The following TBC1D4 variants were observed in gnomAD, a reference collection of about 807,000 sequenced individuals.
TBC1D4 encodes TBC (Tre-2, BUB2, CDC16) domain-containing protein.
A neutral mutation model predicts 142.5 loss-of-function variants in TBC1D4; 121 were observed. That is an observed-to-expected ratio of 0.85 (90% CI 0.73 to 0.99). TBC1D4 has a LOEUF of 0.99. Among genes scored for constraint, TBC1D4 ranks in the 50% least tolerant of loss-of-function variants. The pLI is 0.00. For synonymous variants in TBC1D4, 630 were observed against 628.2 expected, an observed-to-expected ratio of 1.00 and a Z score of -0.04; for missense variants, 1,475 against 1,606.6, an observed-to-expected ratio of 0.92 and a Z score of 1.40.
intron 1 of TBC1D4, among the ~76,000 whole-genome samples, chr13:75,374,726 T>C: frequency 6.6e-6 from 1 of 152,132 alleles, no homozygotes; most frequent in South Asian, 2.1e-4. Context: ...TTTCACAACT[T>C]CAAAGTCAGA....
chr13:75,442,780 A>G (rs1010778330), intron 1 of TBC1D4, among the ~76,000 whole-genome samples: 6 of 136,476 alleles, frequency 4.4e-5, no homozygotes, highest in Non-Finnish European at 6.7e-5. Context: ...TCGGTTTCGG[A>G]AAAAAAAAAA....
At chr13:75,421,333 C>G (rs565091007) in intron 1 of TBC1D4, among the ~76,000 whole-genome samples, 95 of 152,148 alleles carry the variant, frequency 6.2e-4, no homozygotes, top group Non-Finnish European at 1.2e-3. Flanking sequence ...CATTTACAAT[C>G]CCCCTAACTC....
At position 75,283,902 on chromosome 13, in the gene TBC1D4, G is replaced by C. The variant is rs1365405831; in HGVS notation, c.*2890C>G. Among the ~76,000 whole-genome samples, 1 of 151,798 alleles carries C rather than the reference G, an allele frequency of 6.6e-6. No homozygotes were observed. Among genetic ancestry groups the C allele is most frequent in the Non-Finnish European group, 1.5e-5 (1 of 67,964 alleles). On this transcript the variant is annotated 3_prime_UTR_variant, in exon 21 of 21. Transcript: ENST00000377636. ...GCAGATCTTTTTTGTTTGGTTGTTT[G>C]TTTTTCTTTTTTTTTGTCAAAGTCT... is the stretch of plus-strand genomic sequence containing the variant.
At chr13:75,460,616 G>A (rs1887928005) in intron 1 of TBC1D4, among the ~76,000 whole-genome samples, 1 of 152,152 alleles carries the variant, frequency 6.6e-6, no homozygotes, top group African/African-American at 2.4e-5. Flanking sequence ...TAACTGGACT[G>A]GTTATAAGAA....
chr13:75,324,371 C>T lies in TBC1D4; in HGVS notation c.2064G>A (p.Lys688=), dbSNP rs1879040958. 1 of 1,613,922 alleles carries T rather than the reference C, an allele frequency of 6.2e-7. No homozygotes were observed. The highest frequency in any genetic ancestry group is 8.5e-7 in the Non-Finnish European group (1 of 1,179,886). ...SNLSSVRRMY[K]ESNSSSSLPS... Reference sequence around the variant, plus strand: ...GAAGACTGGAGGAAGAATTACTCTCCTTGTACATGCGTCGAACTGACGAAA... The same window carrying T: ...GAAGACTGGAGGAAGAATTACTCTCTTTGTACATGCGTCGAACTGACGAAA... The change falls in exon 11 of 21, where the codon AAG becomes AAA. Residue 688 remains lysine (K), a synonymous_variant. Transcript: ENST00000377636.
rs779969963 is a variant in TBC1D4 at position 75,481,507 on chromosome 13, G to A, written c.261C>T (p.Ser87=). 10 of 1,611,758 alleles carry A rather than the reference G, an allele frequency of 6.2e-6. No individual in the cohort carries two copies. Among genetic ancestry groups the A allele is most frequent in the Non-Finnish European group, 8.5e-6 (10 of 1,178,914 alleles). Residue 87 remains serine, a synonymous_variant, in exon 1 of 21, where the codon AGC becomes AGT. Transcript: ENST00000377636. ...CGGGGACGCAACGCAGGAAGGGCGC[G>A]CTGAGCACCAGGATCACCTCTCGGG... ...PAAREVILVL[S]APFLRCVPAP...
rs576788393 is a variant in TBC1D4 at position 75,453,147 on chromosome 13, GAATT to G, written c.498+28119_498+28122del. Reference sequence around the variant, plus strand: ...AAAGCAGTCATAATACATAATTCCTGAATTAATTAAATTTTATATTATATTACTT... The same window carrying G: ...AAAGCAGTCATAATACATAATTCCTGAATTAAATTTTATATTATATTACTT... On this transcript the variant is annotated intron_variant, in intron 1 of 20. Transcript: ENST00000377636. Among the ~76,000 whole-genome samples, 678 of 151,582 alleles carry G rather than the reference GAATT, an allele frequency of 4.5e-3. 12 individuals are homozygous for G. The highest frequency in any genetic ancestry group is 0.016 in the African/African-American group (660 of 41,378).
chr13:75,407,655 C>T (rs990229260), intron 1 of TBC1D4, among the ~76,000 whole-genome samples: 4 of 152,136 alleles, frequency 2.6e-5, no homozygotes, highest in Non-Finnish European at 5.9e-5. Context: ...GAGAACAGAT[C>T]TACAAGGCAG....
intron 19 of TBC1D4, among the ~76,000 whole-genome samples, chr13:75,290,962 T>A (rs554507168): frequency 6.6e-6 from 1 of 152,224 alleles, no homozygotes; most frequent in East Asian, 1.9e-4. Context: ...AGGAAAGTGG[T>A]AAACTTTATC....
At chr13:75,404,285 G>A (rs1316446296) in intron 1 of TBC1D4, among the ~76,000 whole-genome samples, 1 of 152,156 alleles carries the variant, frequency 6.6e-6, no homozygotes, top group African/African-American at 2.4e-5. Context: ...TACAGAAAAG[G>A]TGAAGATAGT....
At chr13:75,351,241 C>T (rs1881560391) in intron 4 of TBC1D4, among the ~76,000 whole-genome samples, 2 of 152,118 alleles carry the variant, frequency 1.3e-5, no homozygotes, top group Admixed American at 1.3e-4. Flanking sequence ...ATCAAACTTA[C>T]ATATTTTATA....
chr13:75,359,936 A>G, intron 2 of TBC1D4, 78 bp from the exon 3 acceptor site: 1 of 1,122,316 alleles, frequency 8.9e-7, no homozygotes, highest in Non-Finnish European at 1.3e-6. Flanking sequence ...TATTAAACTA[A>G]TAATATAGAT....
intron 11 of TBC1D4, among the ~76,000 whole-genome samples, chr13:75,321,783 G>C (rs1372158485): frequency 6.6e-6 from 1 of 151,960 alleles, no homozygotes; most frequent in African/African-American, 2.4e-5. Context: ...CAAAAACCTA[G>C]AAATAACCCA....
chr13:75,344,109 A>G (rs1216812754), intron 5 of TBC1D4, among the ~76,000 whole-genome samples: 1 of 152,110 alleles, frequency 6.6e-6, no homozygotes, highest in Non-Finnish European at 1.5e-5. Flanking sequence ...TCGGCCTCCC[A>G]AAGTGCTGGG....
chr13:75,300,138 C>T (rs944793330), intron 16 of TBC1D4, among the ~76,000 whole-genome samples: 6 of 152,146 alleles, frequency 3.9e-5, no homozygotes, highest in South Asian at 2.1e-4. Context: ...AACTATCGTT[C>T]GCTCTCTGCT....
chr13:75,294,486 T>C (rs964845903), intron 18 of TBC1D4, among the ~76,000 whole-genome samples: 2 of 152,226 alleles, frequency 1.3e-5, no homozygotes, highest in Non-Finnish European at 2.9e-5. Flanking sequence ...GAATGCAAGA[T>C]GAAGAAGACA....
At chr13:75,297,759 A>G (rs1171516055) in intron 17 of TBC1D4, among the ~76,000 whole-genome samples, 2 of 146,806 alleles carry the variant, frequency 1.4e-5, no homozygotes, top group Non-Finnish European at 3.0e-5. Flanking sequence ...TCCGTCTCCA[A>G]AAAAAAAAAA....
chr13:75,407,497 C>T (rs1885402309), intron 1 of TBC1D4, among the ~76,000 whole-genome samples: 1 of 152,166 alleles, frequency 6.6e-6, no homozygotes, highest in Admixed American at 6.5e-5. Context: ...AACCCATGGA[C>T]AACATTTACA....
intron 1 of TBC1D4, among the ~76,000 whole-genome samples, chr13:75,405,518 C>T (rs1027061648): frequency 2.0e-5 from 3 of 152,078 alleles, no homozygotes; most frequent in South Asian, 2.1e-4. Flanking sequence ...GCAATATGCC[C>T]GCCTTGGCCT....
Sources: allele counts gnomAD v4.1 joint callset (sites outside exome capture counted in the v4.1 genomes callset), GRCh38; gene constraint gnomAD v4.1.1; transcripts MANE v1.5; gene names NCBI Gene and HGNC (gene_info 2026-07-23, HGNC 2026-07-21).